SYT12: variants seen among roughly 807,000 people sequenced by gnomAD.
The protein encoded by SYT12 is synaptotagmin 12.
Under a neutral mutation model 39.5 loss-of-function variants are expected in SYT12, and 27 were observed. The ratio of observed to expected loss-of-function variants is 0.68; its 90% confidence interval spans 0.50 to 0.94. The LOEUF (loss-of-function observed/expected upper bound fraction) is 0.94, where lower values mean the gene tolerates loss of function less well. SYT12 is among the 40% of genes least tolerant of loss of function. The pLI is 0.00. For synonymous variants in SYT12, 233 were observed against 239.7 expected (o/e 0.97, Z 0.26); for missense variants, 536 against 572.6 (o/e 0.94, Z 0.65).
intron 3 of SYT12, among the ~76,000 whole-genome samples, chr11:67,013,737 C>T (rs1950032036): frequency 1.3e-5 from 2 of 152,266 alleles, no homozygotes. Context: ...GTCTGCTCAG[C>T]GCCCTTAGCA....
intron 3 of SYT12, among the ~76,000 whole-genome samples, chr11:67,035,870 C>A (rs1251373116): frequency 7.7e-6 from 1 of 129,812 alleles, no homozygotes; most frequent in South Asian, 2.5e-4. Context: ...TTCTTTCTTT[C>A]TTTCTTTCTT....
At chr11:67,020,780 G>A (rs1175236227), upstream of SYT12, among the ~76,000 whole-genome samples, 3 of 152,188 alleles carry the variant, frequency 2.0e-5, no homozygotes, top group East Asian at 5.8e-4. Flanking sequence ...CCAGGCTGGA[G>A]TGCAGTGGCG....
In SYT12 at chr11:67,049,042, A is replaced by T; in HGVS notation, c.*285A>T. On this transcript the variant is annotated 3_prime_UTR_variant, in exon 8 of 8. Transcript: ENST00000527043. ...GGTAGGCCAGCTGCCGAGCTGGGCT[A>T]TGTTCTGGAACCCAGTGAATCTTGG... is the stretch of plus-strand genomic sequence containing the variant. The T allele has an allele frequency of 2.9e-6, 1 of 339,346 alleles. No individual in the cohort carries two copies. The highest frequency in any genetic ancestry group is 4.6e-5 in the East Asian group (1 of 21,776). 21.0% of individuals were successfully genotyped at this position (339,346 alleles called of 1,614,324 possible).
chr11:67,025,799 C>T (rs1357173787), intron 1 of SYT12, among the ~76,000 whole-genome samples: 2 of 152,072 alleles, frequency 1.3e-5, no homozygotes, highest in African/African-American at 2.4e-5. Context: ...TCTCCTCCTC[C>T]GTGGAGGAGG....
chr11:67,018,409 C>T (rs1200345327), upstream of SYT12, among the ~76,000 whole-genome samples: 1 of 152,066 alleles, frequency 6.6e-6, no homozygotes, highest in Non-Finnish European at 1.5e-5. Flanking sequence ...CCTGTAGTCC[C>T]AGCTCTTTAG....
At chr11:67,024,587 C>T (rs1950156589) in intron 1 of SYT12, among the ~76,000 whole-genome samples, 1 of 152,290 alleles carries the variant, frequency 6.6e-6, no homozygotes, top group East Asian at 1.9e-4. Flanking sequence ...AGGGTAGCAG[C>T]CCCCTCAGAG....
Position 67,040,613 on chromosome 11 carries a change from G to A in SYT12, c.621+410G>A, listed in dbSNP as rs987384449. ...TCAGCACTTTGGGAGGCCGAGGCGGGCAGATCATGAGGTCAGGAGATCGAG... is the reference window on the plus strand; with the variant it reads ...TCAGCACTTTGGGAGGCCGAGGCGGACAGATCATGAGGTCAGGAGATCGAG... On this transcript the variant is annotated intron_variant, in intron 4 of 7. Transcript: ENST00000527043. Among the ~76,000 whole-genome samples, 3 of 152,138 alleles carry A rather than the reference G, an allele frequency of 2.0e-5. No homozygotes were observed. The East Asian group carries it at 5.8e-4, about 29-fold the overall frequency.
At chr11:67,018,883 C>G (rs1206673187), upstream of SYT12, among the ~76,000 whole-genome samples, 1 of 151,976 alleles carries the variant, frequency 6.6e-6, no homozygotes, top group Non-Finnish European at 1.5e-5. Flanking sequence ...CTGTGGGGTG[C>G]ACAGGGCAGA....
intron 3 of SYT12, among the ~76,000 whole-genome samples, chr11:67,015,863 A>G (rs745960176): frequency 3.3e-5 from 5 of 152,126 alleles, no homozygotes; most frequent in Non-Finnish European, 4.4e-5. Context: ...CTTGCTGGGA[A>G]GGAGGACTCT....
At chr11:67,037,695 A>T (rs1488474107) in intron 3 of SYT12, among the ~76,000 whole-genome samples, 1 of 152,014 alleles carries the variant, frequency 6.6e-6, no homozygotes. Context: ...AGCCTGACCA[A>T]CATGGAGAAA....
chr11:67,014,287 G>A (rs1294365740), intron 3 of SYT12, among the ~76,000 whole-genome samples: 5 of 152,184 alleles, frequency 3.3e-5, no homozygotes, highest in African/African-American at 7.2e-5. Flanking sequence ...GATGTGTCCG[G>A]GATCAGGGAG....
At position 67,048,836 on chromosome 11, in the gene SYT12, G is replaced by T; in HGVS notation, c.*79G>T. 6.7e-7 allele frequency: 1 copy of T among 1,493,090 alleles called. No homozygotes were observed. Among genetic ancestry groups the T allele is most frequent in the Non-Finnish European group, 9.0e-7 (1 of 1,107,330 alleles). 92.5% of individuals were successfully genotyped at this position (1,493,090 alleles called of 1,614,324 possible). A position where few individuals can be genotyped will look rare whatever the true frequency, so the allele number is the denominator to read the frequency against. ...AGCTCTGTCTGATGCCCTCTCCATA[G>T]CCCAGCTGGAGCCGTGAACACTGGG... On this transcript the variant is annotated 3_prime_UTR_variant, in exon 8 of 8. Coordinates refer to ENST00000527043, the MANE Select transcript of SYT12 (RefSeq NM_177963.4).
chr11:67,015,895 A>C (rs1950054518), intron 3 of SYT12, among the ~76,000 whole-genome samples: 1 of 152,092 alleles, frequency 6.6e-6, no homozygotes. Flanking sequence ...GGCTGGGAGC[A>C]GGAGGAAGGG....
Position 67,044,629 on chromosome 11 carries a change from A to G in SYT12, c.874A>G (p.Ser292Gly), listed in dbSNP as rs1198878471. 1 of 1,613,440 alleles carries G rather than the reference A, an allele frequency of 6.2e-7. No homozygotes were observed. Among genetic ancestry groups the G allele is most frequent in the African/African-American group, 1.3e-5 (1 of 75,058 alleles). The change falls in exon 6 of 8, where the codon AGC (serine) becomes GGC (glycine). Residue 292 changes from serine to glycine, a missense_variant. By Grantham distance (56) the Ser-to-Gly change is moderately conservative. Coordinates refer to ENST00000527043, the MANE Select transcript of SYT12 (RefSeq NM_177963.4). ...TGTGGGGGAGATCCTGCTCTCCCTC[A>G]GCTACCTCCCCACAGCCGAGCGCCT... is the stretch of plus-strand genomic sequence containing the variant. ...DAVGEILLSLSYLPTAERLTV... is the reference protein window; with the variant it reads ...DAVGEILLSLGYLPTAERLTV...
intron 3 of SYT12, among the ~76,000 whole-genome samples, chr11:67,015,798 G>C (rs577095413): frequency 6.6e-6 from 1 of 152,130 alleles, no homozygotes; most frequent in Non-Finnish European, 1.5e-5. Flanking sequence ...GCTCCTTCAC[G>C]TTCATAGCCA....
At chr11:67,046,697 C>A (rs1854563350) in intron 7 of SYT12, among the ~76,000 whole-genome samples, 1 of 152,168 alleles carries the variant, frequency 6.6e-6, no homozygotes, top group Non-Finnish European at 1.5e-5. Context: ...TCTGCCTCTC[C>A]CTGGGTGTCA....
chr11:67,035,795 T>TTCCTTCCC (rs1950356565), intron 3 of SYT12, among the ~76,000 whole-genome samples: 1 of 42,746 alleles, frequency 2.3e-5, no homozygotes, highest in African/African-American at 1.0e-4. Flanking sequence ...TTTTCTTTCC[T>TTCCTTCCC]TCCTTCCTTC....
chr11:67,050,115 C>G lies in SYT12; in HGVS notation c.*1358C>G, dbSNP rs1854705957. The G allele has an allele frequency of 1.3e-5, 2 of 152,058 alleles. No homozygotes were observed. The highest frequency in any genetic ancestry group is 2.9e-5 in the Non-Finnish European group (2 of 68,080). 9.4% of individuals were successfully genotyped at this position (152,058 alleles called of 1,614,324 possible). A position where few individuals can be genotyped will look rare whatever the true frequency, so the allele number is the denominator to read the frequency against. On this transcript the variant is annotated 3_prime_UTR_variant, in exon 8 of 8. Coordinates refer to ENST00000527043, the MANE Select transcript of SYT12 (RefSeq NM_177963.4). ...GCAGGGGCCTGGAGTACGAGGGGCA[C>G]CCTGGGGGCTCCCACCCAGAAGCAG...
At chr11:67,016,982 AT>A (rs1167464615) in intron 3 of SYT12, among the ~76,000 whole-genome samples, 1 of 152,244 alleles carries the variant, frequency 6.6e-6, no homozygotes, top group African/African-American at 2.4e-5. Flanking sequence ...AAATTCTGTA[AT>A]TATTGTTATT....
Sources: gnomAD v4.1 joint callset for allele counts (sites outside exome capture counted in the v4.1 genomes callset) on GRCh38, gnomAD v4.1.1 for gene constraint, MANE v1.5 for transcripts, NCBI Gene and HGNC (gene_info 2026-07-23, HGNC 2026-07-21) for gene names.